Variants in ILDR1 observed in about 807,000 individuals in gnomAD.
ILDR1 encodes immunoglobulin like domain containing receptor 1.
Under a neutral mutation model 62.4 loss-of-function variants are expected in ILDR1, and 56 were observed. The ratio of observed to expected loss-of-function variants is 0.90; its 90% CI spans 0.72 to 1.12. ILDR1 has a LOEUF of 1.12. Ranked by LOEUF, ILDR1 falls within the 50% of genes most tolerant of loss-of-function variation. The probability of loss-of-function intolerance (pLI) is 0.00; values close to 1 mark genes in which losing one functional copy is unlikely to be tolerated. For missense variants in ILDR1, 736 were observed against 710.6 expected, an observed-to-expected ratio of 1.04 and a Z score of -0.41; for synonymous variants, 284 against 277.8, an observed-to-expected ratio of 1.02 and a Z score of -0.22.
chr3:122,011,792 C>T (rs1005198452), intron 1 of ILDR1, among the ~76,000 whole-genome samples: 2 of 151,862 alleles, frequency 1.3e-5, no homozygotes, highest in Non-Finnish European at 2.9e-5. Context: ...TATTATGCAC[C>T]GGGTGATGTA....
intron 5 of ILDR1, 41 bp downstream of exon 5, chr3:122,001,267 C>A: frequency 6.2e-7 from 1 of 1,612,554 alleles, no homozygotes; most frequent in Non-Finnish European, 8.5e-7. Context: ...CGTCCTGGTC[C>A]CTAATCCACT....
chr3:122,053,694 T>C, the ILDR1 span, among the ~76,000 whole-genome samples: 19 of 152,196 alleles, frequency 1.2e-4, no homozygotes, highest in Admixed American at 2.6e-4. Context: ...CAGTGTATAC[T>C]TGATGTACTA....
the ILDR1 span, among the ~76,000 whole-genome samples, chr3:122,038,339 T>C: frequency 3.9e-5 from 6 of 152,130 alleles, no homozygotes; most frequent in African/African-American, 1.4e-4. Flanking sequence ...GGAGCAGACA[T>C]TTAGAGAAAC....
the ILDR1 span, among the ~76,000 whole-genome samples, chr3:122,060,625 A>G: frequency 6.6e-6 from 1 of 152,132 alleles, no homozygotes; most frequent in African/African-American, 2.4e-5. Context: ...CCCATTCCTA[A>G]AAAAATTTTA....
chr3:122,032,346 T>C, the ILDR1 span, among the ~76,000 whole-genome samples: 1 of 152,252 alleles, frequency 6.6e-6, no homozygotes, highest in Admixed American at 6.5e-5. Context: ...TAGAATATAC[T>C]GCAATGTGTT....
rs563334520 is a variant in ILDR1 at position 121,987,963 on chromosome 3, T to C, written c.*404A>G. ...TCTATTGCCCAGGCTGGAATACAGATGTGTGATCATGGGATCCTGGCTCAT... is the reference window on the plus strand; with the variant it reads ...TCTATTGCCCAGGCTGGAATACAGACGTGTGATCATGGGATCCTGGCTCAT... On this transcript the variant is annotated 3_prime_UTR_variant, in exon 8 of 8. Transcript: ENST00000344209. The C allele has an allele frequency of 5.8e-6, 2 of 342,252 alleles. No homozygotes were observed. Among genetic ancestry groups the C allele is most frequent in the African/African-American group, 2.1e-5 (1 of 46,724 alleles). 21.2% of individuals were successfully genotyped at this position (342,252 alleles called of 1,614,324 possible). A position where few individuals can be genotyped will look rare whatever the true frequency, so the allele number is the denominator to read the frequency against.
the ILDR1 span, among the ~76,000 whole-genome samples, chr3:122,028,860 G>T: frequency 1.3e-5 from 2 of 152,186 alleles, no homozygotes; most frequent in Non-Finnish European, 2.9e-5. Context: ...AATTAAAGGT[G>T]TATATATCCT....
At chr3:122,019,201 T>A (rs2071822196) in intron 1 of ILDR1, among the ~76,000 whole-genome samples, 1 of 152,236 alleles carries the variant, frequency 6.6e-6, no homozygotes, top group African/African-American at 2.4e-5. Context: ...TGGTACTTAC[T>A]TTAGCCTTAT....
intron 1 of ILDR1, among the ~76,000 whole-genome samples, chr3:122,013,471 C>A (rs1335481529): frequency 6.6e-6 from 1 of 152,038 alleles, no homozygotes; most frequent in East Asian, 1.9e-4. Context: ...TATACAAGCA[C>A]CCTGACTCCA....
At chr3:122,036,763 T>C in the ILDR1 span, among the ~76,000 whole-genome samples, 2 of 152,184 alleles carry the variant, frequency 1.3e-5, no homozygotes, top group Admixed American at 6.5e-5. Flanking sequence ...AAAATGTCTC[T>C]AGGGCATTTC....
chr3:122,022,276 C>T (rs1349031335), upstream of ILDR1: 2 of 472,276 alleles, frequency 4.2e-6, no homozygotes, highest in African/African-American at 4.2e-5. Context: ...GCGCTCCCCA[C>T]GGCTCCGCCT....
the ILDR1 span, among the ~76,000 whole-genome samples, chr3:122,054,454 A>C: frequency 6.6e-6 from 1 of 152,172 alleles, no homozygotes; most frequent in Non-Finnish European, 1.5e-5. Flanking sequence ...CTTGACACTT[A>C]ACTGGCATCT....
rs1369273322 is a variant in ILDR1, at chr3:121,993,982, C to T, written c.779-12G>A. ...CGGCAGGGACAAATCTGAATGGAAACAAGGACAGGACAATAGAACAAATGG... is the reference window on the plus strand; with the variant it reads ...CGGCAGGGACAAATCTGAATGGAAATAAGGACAGGACAATAGAACAAATGG... On this transcript the variant is annotated splice_polypyrimidine_tract_variant and intron_variant, in intron 6 of 7. Coordinates refer to ENST00000344209, the MANE Select transcript of ILDR1 (RefSeq NM_001199799.2). 6.2e-7 allele frequency: 1 copy of T among 1,604,902 alleles called. No individual in the cohort carries two copies. The highest frequency in any genetic ancestry group is 1.3e-5 in the African/African-American group (1 of 74,986).
chr3:122,014,820 A>G (rs1434170775), intron 1 of ILDR1, among the ~76,000 whole-genome samples: 1 of 152,200 alleles, frequency 6.6e-6, no homozygotes, highest in African/African-American at 2.4e-5. Flanking sequence ...GGTGGTTTGA[A>G]CTTAACATCC....
chr3:122,040,001 A>G, the ILDR1 span, among the ~76,000 whole-genome samples: 9 of 152,108 alleles, frequency 5.9e-5, no homozygotes, highest in East Asian at 1.7e-3. Context: ...ATAAATTAAT[A>G]AGAGATAGCC....
At chr3:122,002,341 C>G (rs1002784931) in intron 3 of ILDR1, among the ~76,000 whole-genome samples, 1 of 152,160 alleles carries the variant, frequency 6.6e-6, no homozygotes, top group Non-Finnish European at 1.5e-5. Flanking sequence ...CCACATCTCT[C>G]TGCCTCAAAG....
Position 121,988,056 on chromosome 3 carries a change from G to C in ILDR1, c.*311C>G, listed in dbSNP as rs1371448050. On this transcript the variant is annotated 3_prime_UTR_variant, in exon 8 of 8. Coordinates refer to ENST00000344209, the MANE Select transcript of ILDR1 (RefSeq NM_001199799.2). ...GCCTCTTGAGTAGCTGGGACTACAA[G>C]TGCATGCCACCACACCTAACTAATT... The C allele has an allele frequency of 2.5e-6, 1 of 400,980 alleles. No individual in the cohort carries two copies. Among genetic ancestry groups the C allele is most frequent in the African/African-American group, 2.1e-5 (1 of 48,412 alleles). 24.8% of individuals were successfully genotyped at this position (400,980 alleles called of 1,614,324 possible). A position where few individuals can be genotyped will look rare whatever the true frequency, so the allele number is the denominator to read the frequency against.
chr3:122,050,608 AT>A, the ILDR1 span, among the ~76,000 whole-genome samples: 1 of 135,358 alleles, frequency 7.4e-6, no homozygotes, highest in Non-Finnish European at 1.6e-5. Flanking sequence ...CCATTAATAT[AT>A]TTTTATAATT....
intron 1 of ILDR1, among the ~76,000 whole-genome samples, chr3:122,008,882 T>G (rs1479554209): frequency 1.3e-5 from 2 of 151,894 alleles, no homozygotes; most frequent in African/African-American, 4.8e-5. Flanking sequence ...TGTGAGCCAC[T>G]GCGCCCGGCC....
Sources: allele counts gnomAD v4.1 joint callset (sites outside exome capture counted in the v4.1 genomes callset), GRCh38; gene constraint gnomAD v4.1.1; transcripts MANE v1.5; gene names NCBI Gene and HGNC (gene_info 2026-07-23, HGNC 2026-07-21).